Variants in TENM2 observed in about 807,000 individuals in gnomAD.
The protein encoded by TENM2 is teneurin transmembrane protein 2.
A neutral mutation model predicts 245.2 loss-of-function variants in TENM2; 52 were observed. That is an observed-to-expected ratio of 0.21 (90% CI 0.17 to 0.27). TENM2 has a LOEUF of 0.27. TENM2 is among the 10% of genes least tolerant of loss of function. The pLI is 1.00. For missense variants in TENM2, 3,046 were observed against 3,666.8 expected, an observed-to-expected ratio of 0.83 and a Z score of 4.37; for synonymous variants, 1,363 against 1,438.9, an observed-to-expected ratio of 0.95 and a Z score of 1.19.
chr5:168,167,498 C>T (rs951129023), intron 13 of TENM2, among the ~76,000 whole-genome samples: 9 of 152,162 alleles, frequency 5.9e-5, no homozygotes, highest in Non-Finnish European at 1.0e-4. Flanking sequence ...CTGTGGGCAG[C>T]GGTGACAGTG....
chr5:167,402,761 G>A (rs981114462), intron 2 of TENM2, among the ~76,000 whole-genome samples: 1 of 152,058 alleles, frequency 6.6e-6, no homozygotes, highest in Non-Finnish European at 1.5e-5. Context: ...CTATAGAAGG[G>A]ATTTTCAAAC....
chr5:167,773,157 A>T (rs554272510), intron 2 of TENM2, among the ~76,000 whole-genome samples: 3 of 152,176 alleles, frequency 2.0e-5, no homozygotes, highest in Non-Finnish European at 4.4e-5. Context: ...TCTGTTTGAG[A>T]AATATGGTTA....
exon 1 of TENM2, chr5:167,284,956 A>G (rs866538440): frequency 6.4e-6 from 10 of 1,551,734 alleles, no homozygotes; most frequent in Non-Finnish European, 8.7e-6. Context: ...CAGAAATCCT[A>G]CAGCTCCAGT....
intron 8 of TENM2, among the ~76,000 whole-genome samples, chr5:168,092,053 C>G (rs1792989034): frequency 6.6e-6 from 1 of 152,154 alleles, no homozygotes; most frequent in African/African-American, 2.4e-5. Flanking sequence ...TAGTATCGCT[C>G]TTTTTCTATT....
At chr5:167,524,864 G>T (rs888314361) in intron 2 of TENM2, among the ~76,000 whole-genome samples, 3 of 151,484 alleles carry the variant, frequency 2.0e-5, no homozygotes, top group Admixed American at 1.3e-4. Context: ...GGGGTAAAAA[G>T]AAATGCCAGT....
chr5:167,259,592 G>A, the TENM2 span, among the ~76,000 whole-genome samples: 1 of 152,112 alleles, frequency 6.6e-6, no homozygotes, highest in Non-Finnish European at 1.5e-5. Flanking sequence ...GAATGTAAAT[G>A]TTGAAATCTT....
chr5:168,228,753 C>CAACTGAACCTCAGTGGGGAGTTTT (rs1479336894), intron 25 of TENM2, among the ~76,000 whole-genome samples: 1 of 99,718 alleles, frequency 1.0e-5, no homozygotes, highest in East Asian at 4.8e-4. Context: ...GAGGAAGTAA[C>CAACTGAACCTCAGTGGGGAGTTTT]AACTGAACCT....
rs187282861 is a variant in TENM2 at position 168,110,385 on chromosome 5, T to G, written c.1814-7907T>G. 2.3e-3 allele frequency among the ~76,000 whole-genome samples: 353 copies of G among 152,296 alleles called. 2 individuals carry two copies. Among genetic ancestry groups the G allele is most frequent in the Middle Eastern group, 0.017 (5 of 294 alleles). On this transcript the variant is annotated intron_variant, in intron 9 of 28. Transcript: ENST00000518659. ...CAGCACTTTACATCATTATCTCATTTCCTCCCTTTGGAAACACTATGGGGT... is the reference window on the plus strand; with the variant it reads ...CAGCACTTTACATCATTATCTCATTGCCTCCCTTTGGAAACACTATGGGGT...
the TENM2 span, among the ~76,000 whole-genome samples, chr5:167,012,859 TG>T: frequency 3.2e-5 from 4 of 123,162 alleles, no homozygotes; most frequent in Non-Finnish European, 7.4e-5. Context: ...TGTGTGTGTG[TG>T]TATTTTTTTT....
At chr5:167,322,157 G>C (rs1048184191) in intron 1 of TENM2, among the ~76,000 whole-genome samples, 2 of 151,706 alleles carry the variant, frequency 1.3e-5, no homozygotes, top group African/African-American at 4.8e-5. Context: ...ATGTCTTCTT[G>C]ACACTCTGAT....
At chr5:167,833,567 C>G (rs1293785490) in intron 2 of TENM2, among the ~76,000 whole-genome samples, 1 of 152,226 alleles carries the variant, frequency 6.6e-6, no homozygotes. Flanking sequence ...CATTGGTTGA[C>G]CCGAACCTTA....
chr5:167,478,982 TTA>T (rs200778789), intron 2 of TENM2, among the ~76,000 whole-genome samples: 1 of 21,842 alleles, frequency 4.6e-5, no homozygotes, highest in Admixed American at 8.5e-4. Context: ...TATGACTACT[TTA>T]TATATATGTG....
chr5:167,487,800 C>T (rs1227097739), intron 2 of TENM2, among the ~76,000 whole-genome samples: 2 of 152,126 alleles, frequency 1.3e-5, no homozygotes, highest in Non-Finnish European at 2.9e-5. Context: ...ATACTGCTCC[C>T]AAGTCTGGGT....
intron 1 of TENM2, among the ~76,000 whole-genome samples, chr5:167,292,785 A>G (rs572030318): frequency 6.6e-6 from 1 of 152,346 alleles, no homozygotes; most frequent in African/African-American, 2.4e-5. Context: ...AACACTACAA[A>G]AGGGATAATA....
At position 168,218,876 on chromosome 5, in the gene TENM2, G is replaced by A. The variant is rs1581665714; in HGVS notation, c.4985G>A (p.Gly1662Asp). The change falls in exon 23 of 29, where the codon GGC becomes GAC. Residue 1662 changes from glycine (G) to aspartate (D), a missense_variant. By Grantham distance (94) the Gly-to-Asp change is moderately conservative (BLOSUM62 -1). This residue lies in a region of TENM2 where 2,704 missense variants were observed against 3,331.9 expected (regional missense o/e 0.81). Coordinates refer to ENST00000518659, the Ensembl canonical transcript of TENM2. The surrounding 1 kb of genome is among the most constrained non-coding windows in gnomAD (Gnocchi z 5.2). ...AACCAGATCATCACCCTCACCGTGG[G>A]CACCAATGGAGGCCTCAAAGTCGTG... is the stretch of plus-strand genomic sequence containing the variant. 6.2e-7 allele frequency: 1 copy of A among 1,613,968 alleles called. No homozygotes were observed. Among genetic ancestry groups the A allele is most frequent in the Non-Finnish European group, 8.5e-7 (1 of 1,179,904 alleles).
intron 2 of TENM2, among the ~76,000 whole-genome samples, chr5:167,484,781 T>C (rs1029843903): frequency 1.3e-5 from 2 of 152,140 alleles, no homozygotes; most frequent in Non-Finnish European, 2.9e-5. Context: ...ACTCATAACA[T>C]AGAGTTCCCT....
At chr5:167,229,503 C>G in the TENM2 span, among the ~76,000 whole-genome samples, 915 of 152,300 alleles carry the variant, frequency 6.0e-3, 13 homozygotes, top group African/African-American at 0.021. Flanking sequence ...CTAGTCTAAG[C>G]TGATGTTGAG....
At chr5:168,171,086 T>C (rs7716939) in intron 13 of TENM2, among the ~76,000 whole-genome samples, 70,662 of 152,118 alleles carry the variant, frequency 0.46, 17,524 homozygotes, top group East Asian at 0.66. Context: ...CAAGGCACAT[T>C]GTATCACTGG....
At chr5:167,199,777 G>A in the TENM2 span, among the ~76,000 whole-genome samples, 7 of 151,966 alleles carry the variant, frequency 4.6e-5, no homozygotes, top group Non-Finnish European at 8.8e-5. Context: ...GTCATAATTC[G>A]AGCTCCTAGA....
Sources: gnomAD v4.1 joint callset for allele counts (sites outside exome capture counted in the v4.1 genomes callset) on GRCh38, gnomAD v4.1.1 for gene constraint, gnomAD v4.1.1 regional missense constraint, Gnocchi (gnomAD v3.1) non-coding constraint, MANE v1.5 for transcripts, NCBI Gene and HGNC (gene_info 2026-07-23, HGNC 2026-07-21) for gene names.